RYR3: variants seen among roughly 807,000 people sequenced by gnomAD.
The protein encoded by RYR3 is brain ryanodine receptor-calcium release channel.
A neutral mutation model predicts 584.3 loss-of-function variants in RYR3; 207 were observed. That is an observed-to-expected ratio of 0.35 (90% CI 0.32 to 0.40). The LOEUF is 0.40. Ranked by LOEUF, RYR3 falls within the 10% of genes least tolerant of loss-of-function variation. The probability of loss-of-function intolerance (pLI) is 1.00; values close to 1 mark genes in which losing one functional copy is unlikely to be tolerated. For synonymous variants in RYR3, 2,416 were observed against 2,248.5 expected, an observed-to-expected ratio of 1.07 and a Z score of -2.11; for missense variants, 5,616 against 6,089.2, an observed-to-expected ratio of 0.92 and a Z score of 2.59.
At position 33,412,614 on chromosome 15, in the gene RYR3, G is replaced by T. The variant is rs1018391805; in HGVS notation, c.52-60805G>T. On this transcript the variant is annotated intron_variant, in intron 1 of 103. Coordinates refer to ENST00000634891, the MANE Select transcript of RYR3 (RefSeq NM_001036.6). The surrounding 1 kb of genome is among the most constrained non-coding windows in gnomAD (Gnocchi z 4.3). ...CCAGGCCCAGAAATATGGGACTCAG[G>T]CCTCTTTCTGCAGCAATGGAGACCA... is the stretch of plus-strand genomic sequence containing the variant. Among the ~76,000 whole-genome samples, 1 of 152,126 alleles carries T rather than the reference G, an allele frequency of 6.6e-6. No individual in the cohort carries two copies. The highest frequency in any genetic ancestry group is 1.5e-5 in the Non-Finnish European group (1 of 68,026).
chr15:33,864,947 G>A, intron 103 of RYR3, 184 bp from the exon 104 acceptor site: 1 of 543,970 alleles, frequency 1.8e-6, no homozygotes, highest in Non-Finnish European at 3.3e-6. Flanking sequence ...ATGTGTCAGA[G>A]AGACATGGCT....
At chr15:33,753,691 A>G (rs183504049) in intron 57 of RYR3, among the ~76,000 whole-genome samples, 2 of 152,358 alleles carry the variant, frequency 1.3e-5, no homozygotes, top group East Asian at 3.9e-4. Flanking sequence ...TGTATCTCAT[A>G]TGAAAAAAAT....
chr15:33,528,984 G>C lies in RYR3; in HGVS notation c.280-1608G>C, dbSNP rs547860651. Among the ~76,000 whole-genome samples, 196 of 152,330 alleles carry C rather than the reference G, an allele frequency of 1.3e-3. 1 individual carries two copies. Among genetic ancestry groups the C allele is most frequent in the African/African-American group, 3.9e-3 (161 of 41,576 alleles). On this transcript the variant is annotated intron_variant, in intron 3 of 103. Transcript: ENST00000634891. ...ACTGTTTTGGGAGGACACACCCACA[G>C]TGTAAGCCATCAGGAGCCATCCATT...
intron 43 of RYR3, among the ~76,000 whole-genome samples, chr15:33,716,962 T>C (rs369118883): frequency 2.6e-5 from 4 of 152,228 alleles, no homozygotes; most frequent in Admixed American, 2.0e-4. Context: ...TTTCATCATC[T>C]TATTGAGAAT....
chr15:33,476,009 G>A (rs2049339219), intron 2 of RYR3, among the ~76,000 whole-genome samples: 1 of 152,244 alleles, frequency 6.6e-6, no homozygotes, highest in South Asian at 2.1e-4. Context: ...ACACTTAACA[G>A]CTAGAGTTGA....
intron 1 of RYR3, among the ~76,000 whole-genome samples, chr15:33,352,746 TGAC>T (rs1470535841): frequency 2.6e-5 from 4 of 152,234 alleles, no homozygotes; most frequent in African/African-American, 9.6e-5. Flanking sequence ...GTTTCAAGGT[TGAC>T]TACTACAAAT....
At chr15:33,365,298 A>T (rs1975337146) in intron 1 of RYR3, among the ~76,000 whole-genome samples, 1 of 152,214 alleles carries the variant, frequency 6.6e-6, no homozygotes, top group Admixed American at 6.5e-5. Context: ...GACTGGATGA[A>T]TTCCATTCCA....
chr15:33,362,633 C>T (rs1251049468), intron 1 of RYR3, among the ~76,000 whole-genome samples: 1 of 152,236 alleles, frequency 6.6e-6, no homozygotes, highest in African/African-American at 2.4e-5. Context: ...TTGTCAGTCT[C>T]AGCTTTTCCT....
chr15:33,475,625 A>T (rs2142259242), intron 2 of RYR3, among the ~76,000 whole-genome samples: 1 of 151,980 alleles, frequency 6.6e-6, no homozygotes, highest in Middle Eastern at 3.4e-3. Flanking sequence ...GGGGTTGGGG[A>T]CCCTGCTTTA....
intron 44 of RYR3, 123 bp downstream of exon 44, chr15:33,723,018 A>G: frequency 1.8e-5 from 16 of 869,048 alleles, no homozygotes; most frequent in Non-Finnish European, 2.6e-5. Context: ...CAGCTAAAAC[A>G]TTGACCCTTC....
Position 33,820,803 on chromosome 15 carries a change from A to T in RYR3, c.10806A>T (p.Lys3602Asn). The T allele has an allele frequency of 6.3e-7, 1 of 1,596,542 alleles. No individual in the cohort carries two copies. Among genetic ancestry groups the T allele is most frequent in the Non-Finnish European group, 8.5e-7 (1 of 1,171,352 alleles). ...AAGAAGAAGATGAAGACAAGGAAAA[A>T]ACATTCGAAGTAAGTTCTCATGAAG... ...EDEEEDEDKE[K>N]TFEEKEMEKQ... is the part of the protein sequence containing the mutation. Residue 3602 changes from lysine to asparagine, a missense_variant, in exon 78 of 104, where the codon AAA becomes AAT. Around this residue, in one of 9 missense-constraint regions of RYR3, gnomAD observed 954 missense variants for 1,132.2 expected, o/e 0.84. Transcript: ENST00000634891.
chr15:33,540,650 G>A (rs945040838), intron 6 of RYR3, 141 bp from the exon 7 acceptor site: 2 of 594,772 alleles, frequency 3.4e-6, no homozygotes, highest in African/African-American at 3.7e-5. Context: ...AGATCAGGTG[G>A]AGAAATCTCC....
intron 3 of RYR3, among the ~76,000 whole-genome samples, chr15:33,526,000 C>T (rs2054355095): frequency 1.3e-5 from 2 of 152,182 alleles, no homozygotes; most frequent in African/African-American, 4.8e-5. Flanking sequence ...ACCTTCCAAA[C>T]AAACTCAGCA....
intron 37 of RYR3, among the ~76,000 whole-genome samples, chr15:33,669,865 T>A (rs1346916777): frequency 3.1e-5 from 1 of 32,392 alleles, no homozygotes; most frequent in Non-Finnish European, 6.2e-5. Context: ...GGGGTGTGGG[T>A]GTGTGGGTGT....
At position 33,669,470 on chromosome 15, in the gene RYR3, A is replaced by T; in HGVS notation, c.5722+14A>T. On this transcript the variant is annotated intron_variant, in intron 37 of 103. Transcript: ENST00000634891. ...TCCTTCACTGTGGTAAGCTGCCCAG[A>T]GAAAGGCTTTGTCCTTTTTTTACAA... 1 of 1,608,792 alleles carries T rather than the reference A, an allele frequency of 6.2e-7. No individual in the cohort carries two copies. The highest frequency in any genetic ancestry group is 8.5e-7 in the Non-Finnish European group (1 of 1,175,384).
chr15:33,773,669 C>A, intron 64 of RYR3, 54 bp downstream of exon 64: 6 of 1,105,938 alleles, frequency 5.4e-6, no homozygotes, highest in South Asian at 2.7e-5. Flanking sequence ...ATGTTACTTA[C>A]AGCCTTTTAC....
chr15:33,838,900 T>C lies in RYR3; in HGVS notation c.12920T>C (p.Ile4307Thr). 2 of 1,613,958 alleles carry C rather than the reference T, an allele frequency of 1.2e-6. No homozygotes were observed. Among genetic ancestry groups the C allele is most frequent in the South Asian group, 1.1e-5 (1 of 91,074 alleles). ...GGTTTGGGTGACCTCTCAGAAATTA[T>C]TGGCAAGGATGAACCCCCTACATTA... The part of the protein sequence containing the change: ...EVGLGDLSEI[I>T]GKDEPPTLES... The change falls in exon 89 of 104, where the codon ATT (isoleucine) becomes ACT (threonine). Residue 4307 changes from isoleucine to threonine, a missense_variant. Ile to Thr is a moderately conservative substitution (Grantham distance 89). Transcript: ENST00000634891.
chr15:33,496,180 C>G (rs1353272701), intron 2 of RYR3, among the ~76,000 whole-genome samples: 1 of 152,162 alleles, frequency 6.6e-6, no homozygotes. Context: ...ATAAAACCAT[C>G]ATAGGGAGAT....
At chr15:33,665,687 A>C (rs941217727) in intron 36 of RYR3, among the ~76,000 whole-genome samples, 2 of 152,230 alleles carry the variant, frequency 1.3e-5, no homozygotes, top group Non-Finnish European at 2.9e-5. Context: ...ATCCACTGCC[A>C]GTCTAAAAGC....
Sources: gnomAD v4.1 joint callset for allele counts (sites outside exome capture counted in the v4.1 genomes callset) on GRCh38, gnomAD v4.1.1 for gene constraint, gnomAD v4.1.1 regional missense constraint, Gnocchi (gnomAD v3.1) non-coding constraint, MANE v1.5 for transcripts, NCBI Gene and HGNC (gene_info 2026-07-23, HGNC 2026-07-21) for gene names.